RBMS3: variants seen among roughly 807,000 people sequenced by gnomAD.
The protein encoded by RBMS3 is RNA-binding motif, single-stranded-interacting protein 3.
A neutral mutation model predicts 66.8 loss-of-function variants in RBMS3; 27 were observed. The ratio of observed to expected loss-of-function variants is 0.40; its 90% CI spans 0.30 to 0.56. RBMS3 has a LOEUF of 0.56. RBMS3 is among the 20% of genes least tolerant of loss of function. RBMS3 has a pLI of 0.40. For missense variants in RBMS3, 513 were observed against 549.5 expected (o/e 0.93, Z 0.66); for synonymous variants, 188 against 183.0 (o/e 1.03, Z -0.22).
chr3:29,559,177 TC>T (rs2046456429), intron 3 of RBMS3, among the ~76,000 whole-genome samples: 1 of 152,052 alleles, frequency 6.6e-6, no homozygotes, highest in Non-Finnish European at 1.5e-5. Context: ...AATATTTTCA[TC>T]TTTTTACTGT....
chr3:29,726,364 T>G (rs1173924001), intron 4 of RBMS3, among the ~76,000 whole-genome samples: 1 of 152,118 alleles, frequency 6.6e-6, no homozygotes, highest in Non-Finnish European at 1.5e-5. Context: ...GCCAGGGCAA[T>G]CAGTCAAGAG....
At chr3:29,362,062 T>G (rs1200338026) in intron 1 of RBMS3, among the ~76,000 whole-genome samples, 2 of 152,262 alleles carry the variant, frequency 1.3e-5, no homozygotes, top group East Asian at 1.9e-4. Flanking sequence ...AAAGTCATTC[T>G]CCGTCCAGCT....
intron 7 of RBMS3, among the ~76,000 whole-genome samples, chr3:29,876,316 A>G (rs1013042699): frequency 6.6e-6 from 1 of 152,194 alleles, no homozygotes; most frequent in South Asian, 2.1e-4. Context: ...AAAAAAAATT[A>G]TCTTTAGAAG....
intron 12 of RBMS3, among the ~76,000 whole-genome samples, chr3:29,981,218 G>A (rs967888217): frequency 5.3e-5 from 8 of 152,132 alleles, no homozygotes; most frequent in Non-Finnish European, 1.0e-4. Flanking sequence ...GTTCACTCAT[G>A]ATTTGGCTCT....
Position 29,763,438 on chromosome 3 carries a change from T to A in RBMS3, c.637+449T>A, listed in dbSNP as rs142206887. On this transcript the variant is annotated intron_variant, in intron 6 of 14. Transcript: ENST00000383767. Reference sequence around the variant, plus strand: ...GAGAGAAAGCATTTAGAAACTAGTATAGCGATTTGACAATGTCATGAAATC... The same window carrying A: ...GAGAGAAAGCATTTAGAAACTAGTAAAGCGATTTGACAATGTCATGAAATC... 6.4e-3 allele frequency among the ~76,000 whole-genome samples: 976 copies of A among 152,170 alleles called. 13 individuals carry two copies. Among genetic ancestry groups the A allele is most frequent in the African/African-American group, 0.022 (928 of 41,540 alleles).
At chr3:29,993,175 A>G (rs1360300913) in intron 14 of RBMS3, among the ~76,000 whole-genome samples, 1 of 149,204 alleles carries the variant, frequency 6.7e-6, no homozygotes, top group African/African-American at 2.6e-5. Context: ...AATGACTTTC[A>G]GAAAAGATTG....
intron 4 of RBMS3, among the ~76,000 whole-genome samples, chr3:29,658,524 C>G (rs1369466615): frequency 6.6e-6 from 1 of 152,144 alleles, no homozygotes; most frequent in East Asian, 1.9e-4. Flanking sequence ...TGCTCTTTAG[C>G]TATGAATGTA....
At position 29,537,378 on chromosome 3, in the gene RBMS3, G is replaced by C. The variant is rs141200297; in HGVS notation, c.307+48879G>C. Among the ~76,000 whole-genome samples, 48 of 152,186 alleles carry C rather than the reference G, an allele frequency of 3.2e-4. No individual in the cohort carries two copies. The East Asian group carries it at 7.7e-3, about 24-fold the overall frequency. On this transcript the variant is annotated intron_variant, in intron 3 of 14. Transcript: ENST00000383767. The stretch of plus-strand genomic sequence containing the variant: ...TTTTGGCTTTCACATCTGCTCCCTC[G>C]TGGCAACAGCAATTTGAAGTCAGTA...
intron 6 of RBMS3, among the ~76,000 whole-genome samples, chr3:29,779,706 A>ATATATATATATATATATATATATAT (rs2056554752): frequency 1.9e-5 from 2 of 106,992 alleles, no homozygotes; most frequent in Non-Finnish European, 4.4e-5. Flanking sequence ...ATTAAGATGA[A>ATATATATATATATATATATATATAT]ATATATATAT....
intron 14 of RBMS3, among the ~76,000 whole-genome samples, chr3:29,996,156 C>T (rs1699212894): frequency 6.7e-6 from 1 of 148,828 alleles, no homozygotes. Flanking sequence ...CAACAAAGAT[C>T]AAAAGAGACA....
At chr3:29,724,293 C>G (rs2053765294) in intron 4 of RBMS3, among the ~76,000 whole-genome samples, 1 of 152,106 alleles carries the variant, frequency 6.6e-6, no homozygotes, top group Non-Finnish European at 1.5e-5. Flanking sequence ...CTTATATTTA[C>G]TTAGTAGCTG....
At chr3:29,493,992 A>C (rs949689057) in intron 3 of RBMS3, among the ~76,000 whole-genome samples, 1 of 152,178 alleles carries the variant, frequency 6.6e-6, no homozygotes, top group Admixed American at 6.5e-5. Flanking sequence ...TTGCAACTTT[A>C]TCTCCAGGCA....
At chr3:29,796,729 T>G (rs2057207570) in intron 6 of RBMS3, among the ~76,000 whole-genome samples, 1 of 149,440 alleles carries the variant, frequency 6.7e-6, no homozygotes, top group Non-Finnish European at 1.5e-5. Flanking sequence ...TTTTTTTTTT[T>G]GGAGATGGAG....
chr3:29,957,794 G>T (rs374462039), intron 12 of RBMS3, among the ~76,000 whole-genome samples: 2 of 151,844 alleles, frequency 1.3e-5, no homozygotes, highest in African/African-American at 2.4e-5. Flanking sequence ...TCTTTTCATC[G>T]CCAAGATACC....
chr3:29,611,662 T>G (rs1321360235), intron 4 of RBMS3, among the ~76,000 whole-genome samples: 4 of 152,028 alleles, frequency 2.6e-5, no homozygotes, highest in Non-Finnish European at 5.9e-5. Context: ...GAGCTCCGTA[T>G]TCATAGACAA....
At chr3:29,825,497 C>G (rs1199661253) in intron 6 of RBMS3, among the ~76,000 whole-genome samples, 1 of 152,032 alleles carries the variant, frequency 6.6e-6, no homozygotes, top group Non-Finnish European at 1.5e-5. Context: ...GGTGGGTTTT[C>G]CCATGCTATT....
At position 29,505,515 on chromosome 3, in the gene RBMS3, T is replaced by TTG. The variant is rs2044150162; in HGVS notation, c.307+17017_307+17018insGT. 3.4e-5 allele frequency among the ~76,000 whole-genome samples: 4 copies of TTG among 119,182 alleles called. 1 individual carries two copies. The highest frequency in any genetic ancestry group is 1.3e-4 in the African/African-American group (4 of 29,770). The allele number at this position is 119,182 out of a possible 152,430, so 78.2% of individuals were successfully genotyped here. On this transcript the variant is annotated intron_variant, in intron 3 of 14. Coordinates refer to ENST00000383767, the MANE Select transcript of RBMS3 (RefSeq NM_001003793.3). The stretch of plus-strand genomic sequence containing the variant: ...TGATGCCTTCAATTTTGTTTTTTTT[T>TTG]TTTGTTGTTTGTTTGTTTGTTTTTA...
chr3:29,683,591 G>C (rs1485469814), intron 4 of RBMS3, among the ~76,000 whole-genome samples: 2 of 151,558 alleles, frequency 1.3e-5, no homozygotes, highest in African/African-American at 4.8e-5. Context: ...TAGGGACACA[G>C]ACACACACAC....
rs186338332 is a variant in RBMS3 at position 29,600,474 on chromosome 3, A to T, written c.399+13269A>T. ...TTGCTTTCTGTCTTGAGTGGAGGCAACCTGAGGATCTCACCAGATGCCCAG... is the reference window on the plus strand; with the variant it reads ...TTGCTTTCTGTCTTGAGTGGAGGCATCCTGAGGATCTCACCAGATGCCCAG... On this transcript the variant is annotated intron_variant, in intron 4 of 14. Coordinates refer to ENST00000383767, the MANE Select transcript of RBMS3 (RefSeq NM_001003793.3). 4.0e-3 allele frequency among the ~76,000 whole-genome samples: 601 copies of T among 152,148 alleles called. 11 individuals are homozygous for T. Among genetic ancestry groups the T allele is most frequent in the Admixed American group, 0.033 (505 of 15,230 alleles).
Sources: gnomAD v4.1 joint callset for allele counts (sites outside exome capture counted in the v4.1 genomes callset) on GRCh38, gnomAD v4.1.1 for gene constraint, MANE v1.5 for transcripts, NCBI Gene and HGNC (gene_info 2026-07-23, HGNC 2026-07-21) for gene names.